The following UGT3A1 variants were observed in gnomAD, a reference collection of about 807,000 sequenced individuals.
UGT3A1 encodes UDP glycosyltransferase family 3 member A1.
Under a neutral mutation model 37.6 loss-of-function variants are expected in UGT3A1, and 40 were observed. The ratio of observed to expected loss-of-function variants is 1.06; its 90% confidence interval spans 0.83 to 1.38. The LOEUF (loss-of-function observed/expected upper bound fraction) is 1.38, where lower values mean the gene tolerates loss of function less well. Ranked by LOEUF, UGT3A1 falls within the 40% of genes most tolerant of loss-of-function variation. The pLI, the probability that UGT3A1 is intolerant of heterozygous loss-of-function variation, is 0.00. For synonymous variants in UGT3A1, 256 were observed against 232.3 expected (o/e 1.10, Z -0.93); for missense variants, 642 against 634.2 (o/e 1.01, Z -0.13).
intron 2 of UGT3A1, among the ~76,000 whole-genome samples, chr5:35,970,092 T>C (rs1253098942): frequency 6.6e-6 from 1 of 152,124 alleles, no homozygotes; most frequent in East Asian, 1.9e-4. Flanking sequence ...CTCTCTCTTA[T>C]AAAACCATCA....
intron 2 of UGT3A1, among the ~76,000 whole-genome samples, chr5:35,985,258 A>C (rs1740686824): frequency 6.6e-6 from 1 of 152,046 alleles, no homozygotes; most frequent in Non-Finnish European, 1.5e-5. Context: ...TAGAAGAATA[A>C]ATATTGTTAA....
At chr5:35,983,843 A>C (rs1276563897) in intron 2 of UGT3A1, among the ~76,000 whole-genome samples, 1 of 152,130 alleles carries the variant, frequency 6.6e-6, no homozygotes, top group Non-Finnish European at 1.5e-5. Context: ...AGTAAAATTC[A>C]ACACCTTTTT....
intron 2 of UGT3A1, among the ~76,000 whole-genome samples, chr5:35,975,636 T>C (rs1442461523): frequency 6.6e-6 from 1 of 152,184 alleles, no homozygotes; most frequent in Non-Finnish European, 1.5e-5. Flanking sequence ...CATCCTAAAG[T>C]GGCTGACTTA....
Position 35,979,715 on chromosome 5 carries a change from C to T in UGT3A1, c.196+8735G>A, listed in dbSNP as rs145457900. 1.6e-3 allele frequency among the ~76,000 whole-genome samples: 243 copies of T among 152,326 alleles called. 4 individuals are homozygous for T. The South Asian group carries it at 0.024, about 15-fold the overall frequency. ...TTTTTGGGTATCTTTACAGCAGCAC[C>T]CCACTCTACTAGTACCAATTTACTG... On this transcript the variant is annotated intron_variant, in intron 2 of 6. Transcript: ENST00000274278.
At chr5:35,973,992 T>A (rs1396696768) in intron 2 of UGT3A1, among the ~76,000 whole-genome samples, 1 of 151,466 alleles carries the variant, frequency 6.6e-6, no homozygotes, top group African/African-American at 2.4e-5. Context: ...AGCAAAGGAG[T>A]CCTAAATAGA....
rs6451245 is a variant in UGT3A1, at chr5:35,952,995, C to T, written c.*1207G>A. On this transcript the variant is annotated 3_prime_UTR_variant, in exon 7 of 7. Transcript: ENST00000274278. ...CTGAATTGTTTCAAGATCTGTTTCACAATTCTAGAATTAAACAATCTAAAA... is the reference window on the plus strand; with the variant it reads ...CTGAATTGTTTCAAGATCTGTTTCATAATTCTAGAATTAAACAATCTAAAA... 65,823 of 152,102 alleles carry T rather than the reference C, an allele frequency of 0.43. 14,748 individuals are homozygous for T. The highest frequency in any genetic ancestry group is 0.75 in the East Asian group (3,960 of 5,256). 9.4% of individuals were successfully genotyped at this position (152,102 alleles called of 1,614,324 possible).
At chr5:35,990,300 G>C (rs990215970) in intron 1 of UGT3A1, among the ~76,000 whole-genome samples, 3 of 151,960 alleles carry the variant, frequency 2.0e-5, no homozygotes, top group East Asian at 3.9e-4. Context: ...TAGATGATCC[G>C]TGGTTCCTTC....
chr5:35,982,118 G>A (rs1740548021), intron 2 of UGT3A1, among the ~76,000 whole-genome samples: 1 of 152,234 alleles, frequency 6.6e-6, no homozygotes, highest in Non-Finnish European at 1.5e-5. Context: ...ATATGAAAAT[G>A]CCTTCATGTC....
intron 2 of UGT3A1, among the ~76,000 whole-genome samples, chr5:35,974,466 A>C (rs1390689282): frequency 6.6e-6 from 1 of 152,188 alleles, no homozygotes; most frequent in Non-Finnish European, 1.5e-5. Flanking sequence ...GCAATATTGC[A>C]CTCTACAGAG....
At chr5:35,968,245 TA>T (rs1004899436) in intron 2 of UGT3A1, 112 bp from the exon 3 acceptor site, 32 of 670,268 alleles carry the variant, frequency 4.8e-5, no homozygotes, top group Non-Finnish European at 6.7e-5. Flanking sequence ...TGGAAATGTT[TA>T]AAGTTTTATG....
intron 1 of UGT3A1, among the ~76,000 whole-genome samples, chr5:35,990,158 C>T (rs1740885243): frequency 6.6e-6 from 1 of 151,798 alleles, no homozygotes; most frequent in African/African-American, 2.4e-5. Context: ...TTGTGGTGAG[C>T]GTGGTCTTGG....
intron 4 of UGT3A1, among the ~76,000 whole-genome samples, chr5:35,958,521 T>C (rs533098855): frequency 3.3e-5 from 5 of 151,196 alleles, no homozygotes; most frequent in Admixed American, 6.6e-5. Context: ...AAAATCATTA[T>C]ATAAAATCAA....
intron 3 of UGT3A1, among the ~76,000 whole-genome samples, chr5:35,966,867 A>C (rs1483046507): frequency 6.6e-6 from 1 of 152,220 alleles, no homozygotes; most frequent in African/African-American, 2.4e-5. Context: ...TGATATGCAG[A>C]TCTCTGCCTG....
intron 4 of UGT3A1, among the ~76,000 whole-genome samples, chr5:35,960,522 C>A (rs942152355): frequency 3.3e-5 from 5 of 152,192 alleles, no homozygotes; most frequent in South Asian, 2.1e-4. Flanking sequence ...GGGGAGCATG[C>A]AGACGGGCAG....
chr5:35,996,592 T>C (rs1477265016), intron 2 of UGT3A1, among the ~76,000 whole-genome samples: 1 of 152,230 alleles, frequency 6.6e-6, no homozygotes, highest in Non-Finnish European at 1.5e-5. Context: ...CCTGTCAATC[T>C]TTTGGTCTGT....
intron 4 of UGT3A1, among the ~76,000 whole-genome samples, chr5:35,964,805 G>A (rs1182189845): frequency 6.6e-6 from 1 of 152,214 alleles, no homozygotes; most frequent in East Asian, 1.9e-4. Flanking sequence ...TTCTGAGTCT[G>A]CGCTGTTTGA....
At chr5:35,978,904 T>C (rs1012242845) in intron 2 of UGT3A1, among the ~76,000 whole-genome samples, 2 of 152,106 alleles carry the variant, frequency 1.3e-5, no homozygotes, top group Non-Finnish European at 2.9e-5. Flanking sequence ...AATGGGTAAA[T>C]AGGGCCATTC....
rs4869569 is a variant in UGT3A1 at position 35,966,450 on chromosome 5, C to T, written c.312-533G>A. ...TTAGAATCCAAAATCTCAGCTGAAA[C>T]GAGATTTTTCTTCCTAGCCTAGGAG... On this transcript the variant is annotated intron_variant, in intron 3 of 6. Coordinates refer to ENST00000274278, the MANE Select transcript of UGT3A1 (RefSeq NM_152404.4). Among the ~76,000 whole-genome samples the T allele has an allele frequency of 4.7e-3, 712 of 152,146 alleles. 13 individuals carry two copies. Among genetic ancestry groups the T allele is most frequent in the Admixed American group, 0.021 (316 of 15,278 alleles).
chr5:35,979,474 G>A (rs182951559), intron 2 of UGT3A1, among the ~76,000 whole-genome samples: 87 of 152,244 alleles, frequency 5.7e-4, no homozygotes, highest in African/African-American at 1.9e-3. Flanking sequence ...GGGGCAAAGA[G>A]TGACCTTTGC....
Sources: allele counts gnomAD v4.1 joint callset (sites outside exome capture counted in the v4.1 genomes callset), GRCh38; gene constraint gnomAD v4.1.1; transcripts MANE v1.5; gene names NCBI Gene and HGNC (gene_info 2026-07-23, HGNC 2026-07-21).